KIF13A: variants seen among roughly 807,000 people sequenced by gnomAD.
KIF13A encodes the protein kinesin family member 13A, also known as kinesin-like protein KIF13A.
A neutral mutation model predicts 212.2 loss-of-function variants in KIF13A; 79 were observed. The ratio of observed to expected loss-of-function variants is 0.37; its 90% CI spans 0.31 to 0.45. The LOEUF (loss-of-function observed/expected upper bound fraction) is 0.45, where lower values mean the gene tolerates loss of function less well. Among genes scored for constraint, KIF13A ranks in the 20% least tolerant of loss-of-function variants. The pLI is 1.00. For missense variants in KIF13A, 1,901 were observed against 2,209.0 expected, an observed-to-expected ratio of 0.86 and a Z score of 2.79; for synonymous variants, 789 against 808.6, an observed-to-expected ratio of 0.98 and a Z score of 0.41.
downstream of KIF13A, among the ~76,000 whole-genome samples, chr6:17,762,995 C>G (rs998008059): frequency 7.2e-5 from 11 of 152,200 alleles, no homozygotes; most frequent in Non-Finnish European, 1.6e-4. Context: ...CTAGCTCTGT[C>G]AGTTCTTTAT....
chr6:17,906,996 A>G (rs1195615648), intron 2 of KIF13A, among the ~76,000 whole-genome samples: 2 of 152,220 alleles, frequency 1.3e-5, no homozygotes, highest in Non-Finnish European at 2.9e-5. Context: ...TTTCAGAGGT[A>G]GCACATTTCA....
chr6:17,805,676 A>AAT, intron 18 of KIF13A, 61 bp from the exon 19 acceptor site: 5 of 1,461,344 alleles, frequency 3.4e-6, no homozygotes, highest in African/African-American at 2.8e-5. Flanking sequence ...TTGCTAAAGC[A>AAT]ATATATATAC....
rs1049149604 is a variant in KIF13A, at chr6:17,982,848, G to A, written c.146+4206C>T. Among the ~76,000 whole-genome samples the A allele has an allele frequency of 6.6e-6, 1 of 152,162 alleles. No homozygotes were observed. The highest frequency in any genetic ancestry group is 1.5e-5 in the Non-Finnish European group (1 of 68,022). ...ATTCACACTGAATGTAAAAAAGAATGAGTAAGTCTTAATATGCTGATATTG... is the reference window on the plus strand; with the variant it reads ...ATTCACACTGAATGTAAAAAAGAATAAGTAAGTCTTAATATGCTGATATTG... On this transcript the variant is annotated intron_variant, in intron 2 of 38. Coordinates refer to ENST00000259711, the MANE Select transcript of KIF13A (RefSeq NM_022113.6). The surrounding 1 kb of genome is among the most constrained non-coding windows in gnomAD (Gnocchi z 5.1).
intron 2 of KIF13A, among the ~76,000 whole-genome samples, chr6:17,969,402 T>C (rs1313714638): frequency 6.6e-6 from 1 of 152,226 alleles, no homozygotes; most frequent in Non-Finnish European, 1.5e-5. Flanking sequence ...TACTACTTAA[T>C]TATATTTATA....
At chr6:17,909,405 G>A (rs575918432) in intron 2 of KIF13A, among the ~76,000 whole-genome samples, 3 of 151,960 alleles carry the variant, frequency 2.0e-5, no homozygotes, top group Non-Finnish European at 2.9e-5. Context: ...GTGTGGTGGC[G>A]CGTGCCTGTA....
chr6:17,918,954 GCTTTGTCTATCTT>G lies in KIF13A; in HGVS notation c.147-20787_147-20775del, dbSNP rs923481588. On this transcript the variant is annotated intron_variant, in intron 2 of 38. Transcript: ENST00000259711. The surrounding 1 kb of genome is among the most constrained non-coding windows in gnomAD (Gnocchi z 4.8). The stretch of plus-strand genomic sequence containing the variant: ...AGTTATAAGATCCACGGAAAGAGAG[GCTTTGTCTATCTT>G]GTTCTCTGATACATTCCCAGTGCCT... Among the ~76,000 whole-genome samples the G allele has an allele frequency of 2.6e-5, 4 of 152,146 alleles. No homozygotes were observed. Among genetic ancestry groups the G allele is most frequent in the South Asian group, 2.1e-4 (1 of 4,830 alleles).
intron 2 of KIF13A, among the ~76,000 whole-genome samples, chr6:17,964,131 C>A (rs9800615): frequency 1.3e-5 from 2 of 152,018 alleles, no homozygotes; most frequent in Non-Finnish European, 2.9e-5. Context: ...ACACCCACAC[C>A]CACACACACC....
intron 2 of KIF13A, among the ~76,000 whole-genome samples, chr6:17,927,749 A>T (rs1323933753): frequency 6.6e-6 from 1 of 152,266 alleles, no homozygotes; most frequent in African/African-American, 2.4e-5. Flanking sequence ...GTACTGAGAC[A>T]GAGAAAAAGA....
In KIF13A at chr6:17,799,382, G is replaced by A; in HGVS notation, c.2674C>T (p.Gln892Ter). The A allele has an allele frequency of 6.2e-7, 1 of 1,608,622 alleles. No homozygotes were observed. The highest frequency in any genetic ancestry group is 8.5e-7 in the Non-Finnish European group (1 of 1,177,114). ...TCACACTGGTCCCAGAATGTGTATT[G>A]ACAGAAGACAAAATTTGAGAGGTTT... Reference protein sequence around the residue: ...PLNLSNFVFCQYTFWDQCEST... With the variant: ...PLNLSNFVFC Residue 892 changes from glutamine (Q) to a stop codon, truncating the protein, a stop_gained, in exon 22 of 39, where the codon CAA becomes TAA. Transcript: ENST00000259711. LOFTEE classifies it high-confidence loss of function. This position sits in a 1 kb window ranked among gnomAD's most constrained non-coding sequence, Gnocchi z 4.4.
At chr6:17,969,243 G>A (rs1430491018) in intron 2 of KIF13A, among the ~76,000 whole-genome samples, 1 of 152,160 alleles carries the variant, frequency 6.6e-6, no homozygotes, top group East Asian at 1.9e-4. Context: ...ACATTGAACT[G>A]GTCACTGTCT....
Position 17,855,362 on chromosome 6 carries a change from C to T in KIF13A, c.494+75G>A, listed in dbSNP as rs1768046801. 1.7e-6 allele frequency: 2 copies of T among 1,157,026 alleles called. No individual in the cohort carries two copies. Among genetic ancestry groups the T allele is most frequent in the East Asian group, 2.4e-5 (1 of 42,216 alleles). The allele number at this position is 1,157,026 out of a possible 1,614,324, so 71.7% of individuals were successfully genotyped here. ...CCAAGAGCTTAAATACGTATATTCA[C>T]TTCCAATTTTAACTTTAGAATCATT... is the stretch of plus-strand genomic sequence containing the variant. On this transcript the variant is annotated intron_variant, in intron 6 of 38. Transcript: ENST00000259711. The surrounding 1 kb of genome is among the most constrained non-coding windows in gnomAD (Gnocchi z 4.1).
At position 17,811,311 on chromosome 6, in the gene KIF13A, T is replaced by C. The variant is rs1763406344; in HGVS notation, c.2001-2381A>G. Among the ~76,000 whole-genome samples the C allele has an allele frequency of 6.6e-6, 1 of 152,212 alleles. No homozygotes were observed. Among genetic ancestry groups the C allele is most frequent in the Non-Finnish European group, 1.5e-5 (1 of 68,036 alleles). On this transcript the variant is annotated intron_variant, in intron 17 of 38. Coordinates refer to ENST00000259711, the MANE Select transcript of KIF13A (RefSeq NM_022113.6). This position sits in a 1 kb window ranked among gnomAD's most constrained non-coding sequence, Gnocchi z 6.0. The stretch of plus-strand genomic sequence containing the variant: ...ATCAATGCATACAATATTTACTAAA[T>C]ACCTACCAGGTGACCACATCATTCT...
intron 25 of KIF13A, among the ~76,000 whole-genome samples, chr6:17,792,728 A>C (rs1290899786): frequency 6.6e-6 from 1 of 152,204 alleles, no homozygotes; most frequent in African/African-American, 2.4e-5. Flanking sequence ...AGCTAGAGGG[A>C]ATTTTGGGCT....
Position 17,776,019 on chromosome 6 carries a change from C to G in KIF13A, c.4171-957G>C, listed in dbSNP as rs1174069903. Reference sequence around the variant, plus strand: ...TCAGCCACCCGAGTAGCTGGGATTACAGGCACCTGCCACGATGCCCAGCTA... The same window carrying G: ...TCAGCCACCCGAGTAGCTGGGATTAGAGGCACCTGCCACGATGCCCAGCTA... On this transcript the variant is annotated intron_variant, in intron 34 of 38. Coordinates refer to ENST00000259711, the MANE Select transcript of KIF13A (RefSeq NM_022113.6). This position sits in a 1 kb window ranked among gnomAD's most constrained non-coding sequence, Gnocchi z 4.6. Among the ~76,000 whole-genome samples, 3 of 152,060 alleles carry G rather than the reference C, an allele frequency of 2.0e-5. No homozygotes were observed. In the East Asian group the frequency reaches 5.8e-4, roughly 29 times the overall value.
rs1476316199 is a variant in KIF13A at position 17,794,336 on chromosome 6, T to C, written c.3135A>G (p.Pro1045=). The part of the protein sequence containing the change: ...VKPVQHSGTL[P]LMVEAILSVS... ...CTGACAGGATGGCTTCAACCATAAG[T>C]GGCAGTGTCCCTGAATGCTGCACAG... Residue 1045 remains proline, a synonymous_variant, in exon 25 of 39, where the codon CCA becomes CCG. Coordinates refer to ENST00000259711, the MANE Select transcript of KIF13A (RefSeq NM_022113.6). This position sits in a 1 kb window ranked among gnomAD's most constrained non-coding sequence, Gnocchi z 4.1. 2 of 1,613,344 alleles carry C rather than the reference T, an allele frequency of 1.2e-6. No homozygotes were observed. The highest frequency in any genetic ancestry group is 2.7e-5 in the African/African-American group (2 of 74,898).
intron 26 of KIF13A, among the ~76,000 whole-genome samples, chr6:17,788,814 T>C (rs1486545899): frequency 2.0e-5 from 3 of 152,102 alleles, no homozygotes; most frequent in Admixed American, 1.3e-4. Context: ...AACCTCTGCC[T>C]CCTAGGTTTA....
Position 17,951,284 on chromosome 6 carries a change from C to T in KIF13A, c.146+35770G>A, listed in dbSNP as rs1402248829. On this transcript the variant is annotated intron_variant, in intron 2 of 38. Transcript: ENST00000259711. The surrounding 1 kb of genome is among the most constrained non-coding windows in gnomAD (Gnocchi z 4.9). ...CTGGGACCACAGGTATGCGCCACCA[C>T]GTCCAGCTAATTTTAAACAAATTTT... The T allele has an allele frequency of 1.8e-5, 11 of 599,356 alleles. No homozygotes were observed. Among genetic ancestry groups the T allele is most frequent in the Admixed American group, 3.0e-5 (1 of 33,614 alleles). The allele number at this position is 599,356 out of a possible 1,614,324, so 37.1% of individuals were successfully genotyped here.
intron 25 of KIF13A, among the ~76,000 whole-genome samples, chr6:17,792,533 A>C (rs888932404): frequency 3.3e-5 from 5 of 152,214 alleles, no homozygotes; most frequent in Admixed American, 2.0e-4. Flanking sequence ...TCGACCGTGC[A>C]GCCACGTAGA....
Position 17,799,861 on chromosome 6 carries a change from C to T in KIF13A, c.2616+91G>A. On this transcript the variant is annotated intron_variant, in intron 21 of 38. Coordinates refer to ENST00000259711, the MANE Select transcript of KIF13A (RefSeq NM_022113.6). The surrounding 1 kb of genome is among the most constrained non-coding windows in gnomAD (Gnocchi z 4.4). Reference sequence around the variant, plus strand: ...CTGTTACAAAATCCAACTTTTACTACCCTGGATGAAAAACTCTCATAAGAT... The same window carrying T: ...CTGTTACAAAATCCAACTTTTACTATCCTGGATGAAAAACTCTCATAAGAT... 2 of 1,448,170 alleles carry T rather than the reference C, an allele frequency of 1.4e-6. No homozygotes were observed. The highest frequency in any genetic ancestry group is 1.9e-6 in the Non-Finnish European group (2 of 1,056,612). 89.7% of individuals were successfully genotyped at this position (1,448,170 alleles called of 1,614,324 possible). A position where few individuals can be genotyped will look rare whatever the true frequency, so the allele number is the denominator to read the frequency against.
Sources: gnomAD v4.1 joint callset for allele counts (sites outside exome capture counted in the v4.1 genomes callset) on GRCh38, gnomAD v4.1.1 for gene constraint, Gnocchi (gnomAD v3.1) non-coding constraint, MANE v1.5 for transcripts, NCBI Gene and HGNC (gene_info 2026-07-23, HGNC 2026-07-21) for gene names.